The following FCHO2 variants were observed in gnomAD, a reference collection of about 807,000 sequenced individuals.
FCHO2 encodes F-BAR domain only protein 2.
Under a neutral mutation model 114.1 loss-of-function variants are expected in FCHO2, and 43 were observed. That is an observed-to-expected ratio of 0.38 (90% confidence interval 0.30 to 0.49). The LOEUF (loss-of-function observed/expected upper bound fraction) is 0.49. Among genes scored for constraint, FCHO2 ranks in the 20% least tolerant of loss-of-function variants. The pLI is 0.97. For synonymous variants in FCHO2, 293 were observed against 315.2 expected (o/e 0.93, Z 0.75); for missense variants, 807 against 950.4 (o/e 0.85, Z 1.98).
At chr5:72,966,915 T>C (rs746238436) in intron 1 of FCHO2, among the ~76,000 whole-genome samples, 9 of 152,276 alleles carry the variant, frequency 5.9e-5, no homozygotes. Flanking sequence ...TCTTTATGAT[T>C]TACTAATTAA....
rs1222782388 is a variant in FCHO2 at position 73,081,939 on chromosome 5, G to A, written c.2137G>A (p.Asp713Asn). ...CAACATACAGGTGGTGGTACCAGTG[G>A]ATGGAGGAGTAACGAACATGCAGTC... The part of the protein sequence containing the change: ...LSNIQVVVPV[D>N]GGVTNMQSLP... Residue 713 changes from aspartate (D) to asparagine (N), a missense_variant, in exon 23 of 26, where the codon GAT (aspartate) becomes AAT (asparagine). Coordinates refer to ENST00000430046, the MANE Select transcript of FCHO2 (RefSeq NM_138782.3). 5.6e-6 allele frequency: 9 copies of A among 1,603,232 alleles called. No individual in the cohort carries two copies. Among genetic ancestry groups the A allele is most frequent in the Non-Finnish European group, 7.7e-6 (9 of 1,174,242 alleles).
intron 17 of FCHO2, among the ~76,000 whole-genome samples, chr5:73,059,373 G>A (rs1196948923): frequency 6.6e-6 from 1 of 151,992 alleles, no homozygotes; most frequent in Non-Finnish European, 1.5e-5. Flanking sequence ...TATTGTCCCT[G>A]TTTTATAGAT....
chr5:72,981,856 T>C (rs1753228906), intron 2 of FCHO2, among the ~76,000 whole-genome samples: 1 of 152,222 alleles, frequency 6.6e-6, no homozygotes, highest in African/African-American at 2.4e-5. Context: ...CTAACCTTTT[T>C]TCAAGGTACT....
chr5:73,077,199 T>TA, intron 20 of FCHO2, 139 bp from the exon 21 acceptor site: 2 of 536,154 alleles, frequency 3.7e-6, no homozygotes, highest in East Asian at 3.4e-5. Context: ...AATCTATAGT[T>TA]ATGATAAAGG....
intron 8 of FCHO2, among the ~76,000 whole-genome samples, chr5:73,025,427 G>A (rs893498333): frequency 4.1e-5 from 6 of 147,046 alleles, no homozygotes; most frequent in Non-Finnish European, 8.9e-5. Flanking sequence ...TGCCCAGGCT[G>A]GAGTGCAGTG....
intron 2 of FCHO2, among the ~76,000 whole-genome samples, chr5:72,970,093 A>C (rs1317303451): frequency 6.6e-6 from 1 of 152,144 alleles, no homozygotes; most frequent in Non-Finnish European, 1.5e-5. Flanking sequence ...TGTCTACTGT[A>C]GTTGGAGTGG....
chr5:73,077,764 C>T (rs781400682), intron 21 of FCHO2, among the ~76,000 whole-genome samples: 9 of 152,214 alleles, frequency 5.9e-5, no homozygotes, highest in African/African-American at 1.2e-4. Context: ...GTGGGAGAAT[C>T]GCTTGAGCCT....
chr5:73,052,218 C>T (rs540181028), intron 12 of FCHO2, 114 bp from the exon 13 acceptor site: 112 of 1,094,230 alleles, frequency 1.0e-4, no homozygotes, highest in African/African-American at 3.7e-4. Context: ...CCGTCGCACC[C>T]GGCCCAAAGT....
intron 10 of FCHO2, among the ~76,000 whole-genome samples, chr5:73,040,155 T>C (rs1174529709): frequency 6.6e-6 from 1 of 152,216 alleles, no homozygotes; most frequent in African/African-American, 2.4e-5. Flanking sequence ...CGTTTATCTG[T>C]TTGTATAAGA....
intron 11 of FCHO2, among the ~76,000 whole-genome samples, chr5:73,042,851 G>T (rs771485571): frequency 6.5e-4 from 99 of 152,316 alleles, no homozygotes; most frequent in Non-Finnish European, 1.2e-3. Flanking sequence ...GCTCAAAATA[G>T]TGGTGTTCTT....
intron 9 of FCHO2, among the ~76,000 whole-genome samples, chr5:73,036,064 T>C (rs568999307): frequency 6.6e-6 from 1 of 152,254 alleles, no homozygotes; most frequent in African/African-American, 2.4e-5. Context: ...CAGGCTGGTC[T>C]CAAACTCCTG....
At chr5:72,968,079 C>T (rs964328947) in intron 1 of FCHO2, among the ~76,000 whole-genome samples, 4 of 151,964 alleles carry the variant, frequency 2.6e-5, no homozygotes, top group Admixed American at 6.6e-5. Context: ...TGCCCACCAC[C>T]ACGCCCGGCT....
chr5:73,048,342 A>G (rs1000731926), intron 11 of FCHO2, among the ~76,000 whole-genome samples: 30 of 152,062 alleles, frequency 2.0e-4, no homozygotes, highest in Non-Finnish European at 4.0e-4. Flanking sequence ...CCCAGCTGTT[A>G]GGGAGGCTGA....
At chr5:73,029,078 G>A (rs964585149) in intron 8 of FCHO2, among the ~76,000 whole-genome samples, 1 of 152,184 alleles carries the variant, frequency 6.6e-6, no homozygotes, top group African/African-American at 2.4e-5. Flanking sequence ...AATTATATAT[G>A]TTATCTTGTG....
rs762026851 is a variant in FCHO2, at chr5:72,998,823, AT to A, written c.496-7608del. ...GTAATGATTTAGATGCAATTAAAGG[AT>A]TTTTTTTTTTTTTGTCTAGAGATGA... On this transcript the variant is annotated intron_variant, in intron 5 of 25. Coordinates refer to ENST00000430046, the MANE Select transcript of FCHO2 (RefSeq NM_138782.3). Among the ~76,000 whole-genome samples, 497 of 140,450 alleles carry A rather than the reference AT, an allele frequency of 3.5e-3. 2 individuals carry two copies. The highest frequency in any genetic ancestry group is 0.011 in the Middle Eastern group (3 of 282). The allele number at this position is 140,450 out of a possible 152,430, so 92.1% of individuals were successfully genotyped here.
intron 2 of FCHO2, among the ~76,000 whole-genome samples, chr5:72,982,569 A>G (rs1261325960): frequency 2.0e-5 from 3 of 152,232 alleles, no homozygotes; most frequent in Non-Finnish European, 4.4e-5. Flanking sequence ...GGTTTGGAAT[A>G]CCTTTAGGTA....
intron 5 of FCHO2, among the ~76,000 whole-genome samples, chr5:72,999,236 C>T (rs1754293786): frequency 6.6e-6 from 1 of 151,594 alleles, no homozygotes; most frequent in South Asian, 2.1e-4. Flanking sequence ...GTTATTTTGG[C>T]CTATCGTAAG....
At chr5:72,994,466 TAA>T (rs766658519) in intron 5 of FCHO2, among the ~76,000 whole-genome samples, 8 of 152,246 alleles carry the variant, frequency 5.3e-5, no homozygotes, top group Middle Eastern at 3.4e-3. Flanking sequence ...TGACTATTAT[TAA>T]AAAGTCAAAT....
At chr5:73,085,364 C>T (rs1373377139) in intron 24 of FCHO2, among the ~76,000 whole-genome samples, 1 of 152,076 alleles carries the variant, frequency 6.6e-6, no homozygotes, top group African/African-American at 2.4e-5. Context: ...AAATGAGATA[C>T]AAATTTTCTA....
Sources: allele counts gnomAD v4.1 joint callset (sites outside exome capture counted in the v4.1 genomes callset), GRCh38; gene constraint gnomAD v4.1.1; transcripts MANE v1.5; gene names NCBI Gene and HGNC (gene_info 2026-07-23, HGNC 2026-07-21).